Variants in IGF2BP1 observed in about 807,000 individuals in gnomAD.
IGF2BP1 encodes insulin-like growth factor 2 mRNA-binding protein 1.
In IGF2BP1, 11 loss-of-function variants were observed where a neutral mutation model predicts 74.9. The ratio of observed to expected loss-of-function variants is 0.15; its 90% CI spans 0.09 to 0.24. The LOEUF (loss-of-function observed/expected upper bound fraction) is 0.24, where lower values mean the gene tolerates loss of function less well. IGF2BP1 is among the 10% of genes least tolerant of loss of function. The pLI is 1.00. For synonymous variants in IGF2BP1, 287 were observed against 281.8 expected (o/e 1.02, Z -0.18); for missense variants, 440 against 757.4 (o/e 0.58, Z 4.92).
At chr17:49,026,916 G>C (rs548606744) in intron 4 of IGF2BP1, among the ~76,000 whole-genome samples, 2 of 152,214 alleles carry the variant, frequency 1.3e-5, no homozygotes, top group African/African-American at 4.8e-5. Context: ...GCTGATTTTT[G>C]TATTTTTAGT....
At chr17:49,019,904 T>TTATACTAATCTA (rs2041756975) in intron 2 of IGF2BP1, among the ~76,000 whole-genome samples, 1 of 43,910 alleles carries the variant, frequency 2.3e-5, no homozygotes, top group Non-Finnish European at 4.2e-5. Flanking sequence ...CCTGGCTAAT[T>TTATACTAATCTA]TATATATATA....
At chr17:49,011,304 G>C (rs1008168298) in intron 2 of IGF2BP1, among the ~76,000 whole-genome samples, 1 of 152,192 alleles carries the variant, frequency 6.6e-6, no homozygotes, top group East Asian at 1.9e-4. Context: ...AGCCACTCCT[G>C]TTTATTTCTC....
At chr17:49,014,841 A>C in intron 2 of IGF2BP1, 1 of 985,206 alleles carries the variant, frequency 1.0e-6, no homozygotes. Context: ...GTGCGGTGGG[A>C]AGCTGCCGAA....
Position 49,050,279 on chromosome 17 carries a change from T to C in IGF2BP1, c.*835T>C, listed in dbSNP as rs2042152819. The stretch of plus-strand genomic sequence containing the variant: ...CCAGGTGCACATAGGTGGTATTGAA[T>C]GCTCAGCAGGGTAGGGGCTGACCAC... On this transcript the variant is annotated 3_prime_UTR_variant, in exon 15 of 15. Coordinates refer to ENST00000290341, the MANE Select transcript of IGF2BP1 (RefSeq NM_006546.4). The C allele has an allele frequency of 1.3e-5, 2 of 152,654 alleles. No homozygotes were observed. The highest frequency in any genetic ancestry group is 2.4e-5 in the African/African-American group (1 of 41,450). The allele number at this position is 152,654 out of a possible 1,614,324, so 9.5% of individuals were successfully genotyped here.
At chr17:49,042,221 C>T in intron 8 of IGF2BP1, 21 bp from the exon 9 acceptor site, 7 of 1,614,040 alleles carry the variant, frequency 4.3e-6, no homozygotes, top group Non-Finnish European at 5.9e-6. Context: ...TGAAAGGACA[C>T]AACTCTGCTC....
At chr17:49,030,437 C>T (rs541020870) in intron 4 of IGF2BP1, among the ~76,000 whole-genome samples, 10 of 152,152 alleles carry the variant, frequency 6.6e-5, no homozygotes, top group East Asian at 1.9e-4. Flanking sequence ...CCACTGTGCC[C>T]GGCCTCTGTT....
intron 1 of IGF2BP1, among the ~76,000 whole-genome samples, chr17:48,998,171 T>A (rs1275714674): frequency 1.3e-5 from 2 of 151,364 alleles, no homozygotes; most frequent in Non-Finnish European, 3.0e-5. Flanking sequence ...GCTTCCCCCA[T>A]CCTTCCTCCC....
chr17:49,011,189 C>T (rs903381529), intron 2 of IGF2BP1, among the ~76,000 whole-genome samples: 32 of 103,532 alleles, frequency 3.1e-4, no homozygotes, highest in Admixed American at 8.1e-4. Context: ...AAAACAAAAA[C>T]AGCTTTGTGG....
In IGF2BP1 at chr17:49,016,370, C is replaced by T. The variant is rs187892215; in HGVS notation, c.237-9248C>T. Among the ~76,000 whole-genome samples the T allele has an allele frequency of 3.6e-3, 550 of 152,268 alleles. 3 individuals are homozygous for T. The highest frequency in any genetic ancestry group is 6.2e-3 in the Non-Finnish European group (419 of 68,026). On this transcript the variant is annotated intron_variant, in intron 2 of 14. Transcript: ENST00000290341. Reference sequence around the variant, plus strand: ...TGAATCTGATGTTTTTCAACTGGAACTTCTTGGTGACAGATTAAGGTGTGT... The same window carrying T: ...TGAATCTGATGTTTTTCAACTGGAATTTCTTGGTGACAGATTAAGGTGTGT...
In IGF2BP1 at chr17:49,055,897, T is replaced by C. The variant is rs2144193623; in HGVS notation, c.*6453T>C. On this transcript the variant is annotated 3_prime_UTR_variant, in exon 15 of 15. Transcript: ENST00000290341. ...AGCTTATTCTGTAATTGCGGCAACT[T>C]TGAAAATTGTATTTTACTGGAAATC... Among the ~76,000 whole-genome samples the C allele has an allele frequency of 6.6e-6, 1 of 151,258 alleles. No individual in the cohort carries two copies. The highest frequency in any genetic ancestry group is 2.1e-4 in the South Asian group (1 of 4,760).
At position 49,025,556 on chromosome 17, in the gene IGF2BP1, G is replaced by A. The variant is rs2041842180; in HGVS notation, c.237-62G>A. On this transcript the variant is annotated intron_variant, in intron 2 of 14. Coordinates refer to ENST00000290341, the MANE Select transcript of IGF2BP1 (RefSeq NM_006546.4). ...AACTGGGGCAAGGATTAGAAACTGC[G>A]AGTTCACAGACCCCTAATGTATTCA... The A allele has an allele frequency of 4.3e-6, 6 of 1,408,942 alleles. No homozygotes were observed. In the Admixed American group the frequency reaches 7.0e-5, roughly 16 times the overall value. The allele number at this position is 1,408,942 out of a possible 1,614,324, so 87.3% of individuals were successfully genotyped here.
intron 4 of IGF2BP1, among the ~76,000 whole-genome samples, chr17:49,027,158 G>A (rs999348959): frequency 3.3e-5 from 5 of 152,166 alleles, no homozygotes; most frequent in Non-Finnish European, 5.9e-5. Flanking sequence ...CCTCGGCTTC[G>A]GATCTTGGTT....
intron 2 of IGF2BP1, chr17:49,014,803 C>CG (rs35001707): frequency 1.0e-6 from 1 of 985,246 alleles, no homozygotes; most frequent in African/African-American, 1.7e-5. Flanking sequence ...CCGAGGAGCA[C>CG]GGGGATGTCT....
chr17:49,024,595 C>T (rs569628627), intron 2 of IGF2BP1, among the ~76,000 whole-genome samples: 3 of 152,112 alleles, frequency 2.0e-5, no homozygotes, highest in Non-Finnish European at 4.4e-5. Context: ...ACCACCCTAC[C>T]ACCCTGTGGA....
intron 5 of IGF2BP1, 38 bp downstream of exon 5, chr17:49,032,011 G>T (rs751822954): frequency 7.2e-6 from 11 of 1,518,444 alleles, no homozygotes; most frequent in Non-Finnish European, 1.0e-5. Flanking sequence ...TGCGGTGGGG[G>T]GGGGTTCTGT....
At chr17:49,035,194 A>G (rs2041972229) in intron 5 of IGF2BP1, among the ~76,000 whole-genome samples, 2 of 152,226 alleles carry the variant, frequency 1.3e-5, no homozygotes, top group Admixed American at 1.3e-4. Flanking sequence ...GTTTATTAGG[A>G]AAGATAAGGT....
chr17:49,017,431 T>C (rs932581802), intron 2 of IGF2BP1, among the ~76,000 whole-genome samples: 5 of 152,164 alleles, frequency 3.3e-5, no homozygotes, highest in African/African-American at 9.7e-5. Flanking sequence ...GTTTCTATTT[T>C]CTACGAGTCA....
intron 2 of IGF2BP1, among the ~76,000 whole-genome samples, chr17:49,004,383 C>T (rs1252233623): frequency 1.3e-5 from 2 of 152,150 alleles, no homozygotes; most frequent in Non-Finnish European, 2.9e-5. Context: ...GGCAAAAAGC[C>T]AGTGGGTAAA....
rs1362681977 is a variant in IGF2BP1 at position 49,049,494 on chromosome 17, G to A, written c.*50G>A. The A allele has an allele frequency of 2.7e-6, 4 of 1,506,510 alleles. No homozygotes were observed. The South Asian group carries it at 3.4e-5, about 13-fold the overall frequency. 93.3% of individuals were successfully genotyped at this position (1,506,510 alleles called of 1,614,324 possible). On this transcript the variant is annotated 3_prime_UTR_variant, in exon 15 of 15. Transcript: ENST00000290341. ...TCCAGGACAACAACGGGCAGAAATC[G>A]AGAGTGTGCTCTCCCCGGCAGGCCT...
Sources: allele counts gnomAD v4.1 joint callset (sites outside exome capture counted in the v4.1 genomes callset), GRCh38; gene constraint gnomAD v4.1.1; transcripts MANE v1.5; gene names NCBI Gene and HGNC (gene_info 2026-07-23, HGNC 2026-07-21).